SLC43A2: variants seen among roughly 807,000 people sequenced by gnomAD.
The protein encoded by SLC43A2 is large neutral amino acids transporter small subunit 4.
Under a neutral mutation model 63.2 loss-of-function variants are expected in SLC43A2, and 38 were observed. The observed-to-expected ratio is 0.60, with a 90% CI of 0.46 to 0.79. The LOEUF (loss-of-function observed/expected upper bound fraction) is 0.79, where lower values mean the gene tolerates loss of function less well. Among genes scored for constraint, SLC43A2 ranks in the 30% least tolerant of loss-of-function variants. The pLI, the probability that SLC43A2 is intolerant of heterozygous loss-of-function variation, is 0.00. For missense variants in SLC43A2, 644 were observed against 756.2 expected (o/e 0.85, Z 1.74); for synonymous variants, 322 against 331.0 (o/e 0.97, Z 0.30).
In SLC43A2 at chr17:1,578,665, T is replaced by TGA; in HGVS notation, c.1351-343_1351-342insTC. The TGA allele has an allele frequency of 4.1e-6, 1 of 246,596 alleles. No individual in the cohort carries two copies. The highest frequency in any genetic ancestry group is 8.5e-5 in the East Asian group (1 of 11,730). The allele number at this position is 246,596 out of a possible 1,614,324, so 15.3% of individuals were successfully genotyped here. On this transcript the variant is annotated intron_variant, in intron 11 of 13. Transcript: ENST00000301335. The surrounding 1 kb of genome is among the most constrained non-coding windows in gnomAD (Gnocchi z 6.5). ...GCCTCAGCCTTCGGAGTAGCTAGGA[T>TGA]TACAGGCCCACGCCACCATGCCCGG...
intron 9 of SLC43A2, among the ~76,000 whole-genome samples, chr17:1,589,823 C>T (rs1240962938): frequency 1.3e-5 from 2 of 152,100 alleles, no homozygotes; most frequent in Non-Finnish European, 2.9e-5. Flanking sequence ...GTTTCACAAT[C>T]TTGGCCAGGC....
rs1260518036 is a variant in SLC43A2, at chr17:1,605,140, C to A, written c.501+8055G>T. 6 of 1,275,118 alleles carry A rather than the reference C, an allele frequency of 4.7e-6. No homozygotes were observed. Among genetic ancestry groups the A allele is most frequent in the Non-Finnish European group, 4.0e-6 (4 of 1,002,018 alleles). 79.0% of individuals were successfully genotyped at this position (1,275,118 alleles called of 1,614,324 possible). ...GGTGCTTCCCACAGCCCCCTCGCCG[C>A]CTCTGCCTCCGTGCGGGTCAACCTG... On this transcript the variant is annotated intron_variant, in intron 5 of 13. Coordinates refer to ENST00000301335, the MANE Select transcript of SLC43A2 (RefSeq NM_152346.3). This position sits in a 1 kb window ranked among gnomAD's most constrained non-coding sequence, Gnocchi z 4.9.
chr17:1,595,396 C>CG (rs1436224718), intron 5 of SLC43A2, among the ~76,000 whole-genome samples: 2 of 151,894 alleles, frequency 1.3e-5, no homozygotes, highest in African/African-American at 2.4e-5. Flanking sequence ...TCTTCCCCCC[C>CG]CAGCTCCCAA....
At position 1,570,825 on chromosome 17, in the gene SLC43A2, G is replaced by A. The variant is rs879514224; in HGVS notation, c.*4779C>T. On this transcript the variant is annotated 3_prime_UTR_variant, in exon 14 of 14. Transcript: ENST00000301335. ...TTAAGTGCCAGGCGTCCCACCATGC[G>A]GGTCTTCACTGCGTATCCACGTAGC... 1.4e-4 allele frequency: 22 copies of A among 152,266 alleles called. No individual in the cohort carries two copies. The highest frequency in any genetic ancestry group is 4.1e-4 in the African/African-American group (17 of 41,458). 9.4% of individuals were successfully genotyped at this position (152,266 alleles called of 1,614,324 possible).
intron 11 of SLC43A2, among the ~76,000 whole-genome samples, chr17:1,582,075 G>C (rs1388480427): frequency 2.0e-5 from 3 of 148,660 alleles, no homozygotes; most frequent in Non-Finnish European, 4.5e-5. Context: ...AAAGTGTTTT[G>C]GTTTTTTTTG....
At position 1,575,553 on chromosome 17, in the gene SLC43A2, G is replaced by A; in HGVS notation, c.*51C>T. The A allele has an allele frequency of 6.2e-7, 1 of 1,611,486 alleles. No individual in the cohort carries two copies. Among genetic ancestry groups the A allele is most frequent in the Non-Finnish European group, 8.5e-7 (1 of 1,177,758 alleles). On this transcript the variant is annotated 3_prime_UTR_variant, in exon 14 of 14. Coordinates refer to ENST00000301335, the MANE Select transcript of SLC43A2 (RefSeq NM_152346.3). ...GGGTACTCTGGAGGGGCAGGACAGGGGTCAGTCACTGAAGCACAGGCAGGA... is the reference window on the plus strand; with the variant it reads ...GGGTACTCTGGAGGGGCAGGACAGGAGTCAGTCACTGAAGCACAGGCAGGA...
chr17:1,622,575 A>C (rs944746064), intron 2 of SLC43A2, among the ~76,000 whole-genome samples: 19 of 148,782 alleles, frequency 1.3e-4, no homozygotes, highest in African/African-American at 4.5e-4. Flanking sequence ...AAAAAAAAAA[A>C]AACTATCCAC....
At chr17:1,604,852 A>C in intron 5 of SLC43A2, 6 of 1,535,648 alleles carry the variant, frequency 3.9e-6, no homozygotes, top group Non-Finnish European at 5.2e-6. Context: ...GTCACTCCCC[A>C]CATTCCCCCT....
At chr17:1,627,681 A>ACCC in intron 2 of SLC43A2, 34 bp downstream of exon 2, 10 of 746,170 alleles carry the variant, frequency 1.3e-5, no homozygotes, top group African/African-American at 8.5e-5. Flanking sequence ...CCCCAGCTCC[A>ACCC]GGAGCCCCCC....
chr17:1,581,913 C>T (rs929681928), intron 11 of SLC43A2, among the ~76,000 whole-genome samples: 4 of 150,384 alleles, frequency 2.7e-5, no homozygotes, highest in African/African-American at 9.8e-5. Context: ...TCAAGCAATT[C>T]TCCTGCCTCA....
rs912980871 is a variant in SLC43A2, at chr17:1,599,338, C to CA, written c.502-6060dup. 5.3e-5 allele frequency among the ~76,000 whole-genome samples: 8 copies of CA among 149,668 alleles called. No homozygotes were observed. In the South Asian group the frequency reaches 6.3e-4, roughly 12 times the overall value. On this transcript the variant is annotated intron_variant, in intron 5 of 13. Transcript: ENST00000301335. The stretch of plus-strand genomic sequence containing the variant: ...CTGGCGACAGAGTGAGACTCTGTCT[C>CA]AAAAAAAGAAAAGAAAAGCATATCC...
intron 11 of SLC43A2, among the ~76,000 whole-genome samples, chr17:1,580,485 G>A (rs1450117960): frequency 6.6e-6 from 1 of 152,186 alleles, no homozygotes; most frequent in African/African-American, 2.4e-5. Flanking sequence ...GGCCCTCCCA[G>A]CAGGTGGCTG....
chr17:1,610,412 G>A (rs1271471804), intron 5 of SLC43A2, among the ~76,000 whole-genome samples: 1 of 146,104 alleles, frequency 6.8e-6, no homozygotes, highest in Non-Finnish European at 1.5e-5. Flanking sequence ...ACAAGCAACT[G>A]CCACCATGCC....
chr17:1,591,163 G>C, intron 8 of SLC43A2, 106 bp downstream of exon 8: 1 of 1,433,772 alleles, frequency 7.0e-7, no homozygotes, highest in Non-Finnish European at 9.4e-7. Context: ...CTGCAGAACA[G>C]GGCGGGCGGG....
intron 2 of SLC43A2, among the ~76,000 whole-genome samples, chr17:1,617,109 C>T (rs1316360124): frequency 2.6e-5 from 4 of 152,214 alleles, no homozygotes; most frequent in African/African-American, 4.8e-5. Context: ...GAGTCCCATT[C>T]GAGAGCATCC....
chr17:1,575,947 G>A (rs997571217), intron 13 of SLC43A2, among the ~76,000 whole-genome samples, 182 bp from the exon 14 acceptor site: 1 of 152,196 alleles, frequency 6.6e-6, no homozygotes, highest in African/African-American at 2.4e-5. Flanking sequence ...AGGCCATGTG[G>A]CCACCCTCAG....
chr17:1,583,085 A>G lies in SLC43A2; in HGVS notation c.1350+119T>C. ...CAGAGTTTGACTCTGTCTCAAAAAA[A>G]TAAAGAAAGTCATCCGCTTTGTTGA... On this transcript the variant is annotated intron_variant, in intron 11 of 13. Coordinates refer to ENST00000301335, the MANE Select transcript of SLC43A2 (RefSeq NM_152346.3). The surrounding 1 kb of genome is among the most constrained non-coding windows in gnomAD (Gnocchi z 5.5). 8.5e-7 allele frequency: 1 copy of G among 1,176,610 alleles called. No homozygotes were observed. Among genetic ancestry groups the G allele is most frequent in the African/African-American group, 1.5e-5 (1 of 65,520 alleles). 72.9% of individuals were successfully genotyped at this position (1,176,610 alleles called of 1,614,324 possible).
chr17:1,585,658 G>C (rs1244759418), intron 10 of SLC43A2: 2 of 1,399,136 alleles, frequency 1.4e-6, no homozygotes, highest in Non-Finnish European at 1.9e-6. Context: ...AAAGTGCTGG[G>C]ATTACAGGCA....
intron 5 of SLC43A2, among the ~76,000 whole-genome samples, chr17:1,601,337 G>C (rs897963708): frequency 6.6e-6 from 1 of 151,896 alleles, no homozygotes; most frequent in Non-Finnish European, 1.5e-5. Flanking sequence ...CAAGTTTCCA[G>C]GTGTAGCTGG....
Sources: gnomAD v4.1 joint callset for allele counts (sites outside exome capture counted in the v4.1 genomes callset) on GRCh38, gnomAD v4.1.1 for gene constraint, Gnocchi (gnomAD v3.1) non-coding constraint, MANE v1.5 for transcripts, NCBI Gene and HGNC (gene_info 2026-07-23, HGNC 2026-07-21) for gene names.